The following WDFY2 variants were observed in gnomAD, a reference collection of about 807,000 sequenced individuals.
The protein encoded by WDFY2 is WD repeat and FYVE domain-containing protein 2.
Under a neutral mutation model 56.4 loss-of-function variants are expected in WDFY2, and 36 were observed. That is an observed-to-expected ratio of 0.64 (90% CI 0.49 to 0.84). The LOEUF is 0.84. WDFY2 is among the 40% of genes least tolerant of loss of function. The probability of loss-of-function intolerance (pLI) is 0.00; values close to 1 mark genes in which losing one functional copy is unlikely to be tolerated. For synonymous variants in WDFY2, 176 were observed against 183.7 expected, an observed-to-expected ratio of 0.96 and a Z score of 0.34; for missense variants, 444 against 512.2, an observed-to-expected ratio of 0.87 and a Z score of 1.29.
intron 1 of WDFY2, among the ~76,000 whole-genome samples, chr13:51,653,015 C>T (rs1049178579): frequency 3.3e-5 from 5 of 152,206 alleles, no homozygotes. Flanking sequence ...AACTTGGTTC[C>T]ATTCTCCCCG....
intron 1 of WDFY2, among the ~76,000 whole-genome samples, chr13:51,628,613 C>A (rs1361830831): frequency 6.6e-6 from 1 of 152,098 alleles, no homozygotes; most frequent in South Asian, 2.1e-4. Flanking sequence ...CCTAGCGGCA[C>A]CCCCCCTGCT....
At chr13:51,646,754 A>G (rs746683384) in intron 1 of WDFY2, among the ~76,000 whole-genome samples, 1 of 152,216 alleles carries the variant, frequency 6.6e-6, no homozygotes, top group South Asian at 2.1e-4. Flanking sequence ...GTTGTTCACT[A>G]TCTGCATCAC....
intron 1 of WDFY2, among the ~76,000 whole-genome samples, chr13:51,607,170 C>T (rs1954398548): frequency 6.6e-6 from 1 of 152,188 alleles, no homozygotes; most frequent in African/African-American, 2.4e-5. Flanking sequence ...AGTTTTTCAC[C>T]TTTAAGTATC....
intron 1 of WDFY2, among the ~76,000 whole-genome samples, chr13:51,641,275 T>G (rs1255199999): frequency 6.6e-6 from 1 of 151,918 alleles, no homozygotes; most frequent in African/African-American, 2.4e-5. Flanking sequence ...TTCCACCATC[T>G]TGGCCAGGCT....
At position 51,638,603 on chromosome 13, in the gene WDFY2, G is replaced by A. The variant is rs187251423; in HGVS notation, c.138-21993G>A. On this transcript the variant is annotated intron_variant, in intron 1 of 11. Coordinates refer to ENST00000298125, the MANE Select transcript of WDFY2 (RefSeq NM_052950.4). ...TAAAATGAGATCAGAGGGTTAATCC[G>A]TTTGCACACAAAAATACCCATTCAT... is the stretch of plus-strand genomic sequence containing the variant. Among the ~76,000 whole-genome samples, 691 of 152,258 alleles carry A rather than the reference G, an allele frequency of 4.5e-3. 5 individuals are homozygous for A. The highest frequency in any genetic ancestry group is 0.014 in the African/African-American group (594 of 41,556).
At chr13:51,757,736 T>C (rs1478191699) in intron 10 of WDFY2, among the ~76,000 whole-genome samples, 1 of 152,038 alleles carries the variant, frequency 6.6e-6, no homozygotes, top group Non-Finnish European at 1.5e-5. Flanking sequence ...AAGTCTTCAG[T>C]CATACCAGTG....
At chr13:51,618,503 G>A (rs1275384817) in intron 1 of WDFY2, among the ~76,000 whole-genome samples, 1 of 152,204 alleles carries the variant, frequency 6.6e-6, no homozygotes, top group Non-Finnish European at 1.5e-5. Flanking sequence ...ATGAATAAGT[G>A]CACAAATGAG....
intron 3 of WDFY2, among the ~76,000 whole-genome samples, chr13:51,691,148 C>G (rs1956147915): frequency 6.6e-6 from 1 of 151,962 alleles, no homozygotes; most frequent in Non-Finnish European, 1.5e-5. Context: ...TTGTAGGTTG[C>G]CTGTTCACTC....
chr13:51,726,378 T>TAA (rs753541967), intron 5 of WDFY2, among the ~76,000 whole-genome samples: 3 of 152,224 alleles, frequency 2.0e-5, no homozygotes, highest in Non-Finnish European at 2.9e-5. Context: ...TTTTCAAACT[T>TAA]TAGCTATTAA....
chr13:51,642,115 AT>A (rs1742309757), intron 1 of WDFY2, among the ~76,000 whole-genome samples: 1 of 151,734 alleles, frequency 6.6e-6, no homozygotes, highest in South Asian at 2.1e-4. Context: ...AGACCTTTTC[AT>A]TCTAATCTTT....
chr13:51,741,698 C>T (rs920691169), intron 7 of WDFY2, among the ~76,000 whole-genome samples: 8 of 152,130 alleles, frequency 5.3e-5, no homozygotes, highest in Admixed American at 3.3e-4. Flanking sequence ...ACACAGACTC[C>T]GTTCAATCTT....
chr13:51,689,197 T>A (rs1344745172), intron 3 of WDFY2, among the ~76,000 whole-genome samples: 1 of 152,138 alleles, frequency 6.6e-6, no homozygotes, highest in Non-Finnish European at 1.5e-5. Context: ...CTGCATATGG[T>A]TACTTGCAGT....
At chr13:51,680,015 C>T (rs1295807018) in intron 3 of WDFY2, among the ~76,000 whole-genome samples, 1 of 152,116 alleles carries the variant, frequency 6.6e-6, no homozygotes, top group African/African-American at 2.4e-5. Context: ...GCCTTGAGCT[C>T]CTGGACTCAA....
chr13:51,605,630 G>C (rs370734279), intron 1 of WDFY2, among the ~76,000 whole-genome samples: 1 of 152,158 alleles, frequency 6.6e-6, no homozygotes, highest in African/African-American at 2.4e-5. Flanking sequence ...GAAATGGAAA[G>C]TTTCACATTA....
chr13:51,718,434 A>G (rs1165981973), intron 4 of WDFY2, among the ~76,000 whole-genome samples: 1 of 152,170 alleles, frequency 6.6e-6, no homozygotes, highest in Admixed American at 6.6e-5. Context: ...CATATGTAAA[A>G]TAGGGAGATG....
At chr13:51,754,900 G>A (rs567435330) in intron 8 of WDFY2, among the ~76,000 whole-genome samples, 1 of 152,196 alleles carries the variant, frequency 6.6e-6, no homozygotes, top group South Asian at 2.1e-4. Context: ...TAATTTTAAT[G>A]GTAATAAGCT....
chr13:51,671,077 T>G (rs528050563), intron 2 of WDFY2, among the ~76,000 whole-genome samples: 11 of 152,334 alleles, frequency 7.2e-5, no homozygotes, highest in Non-Finnish European at 1.5e-4. Context: ...CTGAGTAATA[T>G]TCCCTGGTTC....
At chr13:51,741,572 G>A (rs966996402) in intron 7 of WDFY2, among the ~76,000 whole-genome samples, 1 of 152,168 alleles carries the variant, frequency 6.6e-6, no homozygotes, top group Non-Finnish European at 1.5e-5. Context: ...CCACTTTCAG[G>A]CAGGCAGGGA....
At chr13:51,715,245 T>C (rs1482994091) in intron 4 of WDFY2, among the ~76,000 whole-genome samples, 3 of 152,246 alleles carry the variant, frequency 2.0e-5, no homozygotes, top group Non-Finnish European at 2.9e-5. Flanking sequence ...TTATAAACTT[T>C]TTAATTTTTT....
Sources: allele counts gnomAD v4.1 joint callset (sites outside exome capture counted in the v4.1 genomes callset), GRCh38; gene constraint gnomAD v4.1.1; transcripts MANE v1.5; gene names NCBI Gene and HGNC (gene_info 2026-07-23, HGNC 2026-07-21).